The following AFF1 variants were observed in gnomAD, a reference collection of about 807,000 sequenced individuals.
The protein encoded by AFF1 is ALF transcription elongation factor 1, also known as AF4/FMR2 family member 1.
Under a neutral mutation model 121.7 loss-of-function variants are expected in AFF1, and 48 were observed. The observed-to-expected ratio is 0.39, with a 90% confidence interval of 0.31 to 0.50. AFF1 has a LOEUF of 0.50. AFF1 is among the 20% of genes least tolerant of loss of function. The pLI is 0.76. For missense variants in AFF1, 1,523 were observed against 1,511.7 expected (o/e 1.01, Z -0.12); for synonymous variants, 613 against 563.0 (o/e 1.09, Z -1.26).
chr4:87,084,374 A>G (rs540097839), intron 5 of AFF1, among the ~76,000 whole-genome samples: 111 of 152,064 alleles, frequency 7.3e-4, no homozygotes, highest in African/African-American at 2.6e-3. Flanking sequence ...CCCCGTATCT[A>G]CTAAGAAAAA....
intron 4 of AFF1, among the ~76,000 whole-genome samples, chr4:87,073,278 G>C (rs903591767): frequency 7.1e-5 from 3 of 42,338 alleles, no homozygotes; most frequent in East Asian, 5.3e-4. Flanking sequence ...CAGCATTAAA[G>C]CCAAAAAAAA....
chr4:87,077,613 A>G (rs1166247266), intron 4 of AFF1, among the ~76,000 whole-genome samples: 1 of 151,674 alleles, frequency 6.6e-6, no homozygotes, highest in Non-Finnish European at 1.5e-5. Flanking sequence ...TCTGGAAGTA[A>G]TTGATGTTAG....
intron 2 of AFF1, among the ~76,000 whole-genome samples, chr4:87,035,212 C>T (rs1729438047): frequency 6.6e-6 from 1 of 152,064 alleles, no homozygotes; most frequent in Non-Finnish European, 1.5e-5. Flanking sequence ...AGGCAGAACG[C>T]AGGAAGGGTG....
At chr4:86,957,408 A>G (rs1223917083) in intron 2 of AFF1, among the ~76,000 whole-genome samples, 3 of 152,208 alleles carry the variant, frequency 2.0e-5, no homozygotes, top group Admixed American at 2.0e-4. Context: ...CATGTTTTCT[A>G]TGCTCTGTAA....
At chr4:87,049,555 C>A in intron 4 of AFF1, 1 of 423,036 alleles carries the variant, frequency 2.4e-6, no homozygotes, top group Non-Finnish European at 4.8e-6. Context: ...ATCCTCCATA[C>A]ATTTGGTCAT....
chr4:87,059,640 C>T (rs17012335), intron 4 of AFF1, among the ~76,000 whole-genome samples: 1,727 of 152,278 alleles, frequency 0.011, 35 homozygotes, highest in African/African-American at 0.039. Context: ...ACCTTCAGGA[C>T]AGAAAGCCAG....
chr4:87,054,851 A>T (rs562745249), intron 4 of AFF1, among the ~76,000 whole-genome samples: 174 of 152,342 alleles, frequency 1.1e-3, no homozygotes, highest in Non-Finnish European at 9.7e-4. Flanking sequence ...GGGCCTGCAG[A>T]CAAATTATTT....
chr4:87,125,041 A>G lies in AFF1; in HGVS notation c.2471A>G (p.Glu824Gly). ...SSKLAKKRKG[E>G]AERDCDNKKI... is the part of the protein sequence containing the mutation. ...TTGCTGATTATACTGTAATAGGGTGAAGCAGAAAGAGACTGTGATAACAAG... is the reference window on the plus strand; with the variant it reads ...TTGCTGATTATACTGTAATAGGGTGGAGCAGAAAGAGACTGTGATAACAAG... The change falls in exon 13 of 21, where the codon GAA (glutamate) becomes GGA (glycine). Residue 824 changes from glutamate to glycine, a missense_variant. By Grantham distance (98) the Glu-to-Gly change is moderately conservative (BLOSUM62 -2). This residue lies in a region of AFF1 where 905 missense variants were observed against 842.5 expected (regional missense o/e 1.07). Transcript: ENST00000395146. 6.2e-7 allele frequency: 1 copy of G among 1,600,834 alleles called. No individual in the cohort carries two copies. Among genetic ancestry groups the G allele is most frequent in the Non-Finnish European group, 8.5e-7 (1 of 1,173,110 alleles).
intron 4 of AFF1, among the ~76,000 whole-genome samples, chr4:87,081,152 A>ATTTTTTTTTTTTTTTT (rs549510832): frequency 6.7e-5 from 6 of 89,718 alleles, no homozygotes; most frequent in African/African-American, 2.2e-4. Context: ...AATGAAATGA[A>ATTTTTTTTTTTTTTTT]TTTTTTTTTT....
intron 2 of AFF1, among the ~76,000 whole-genome samples, chr4:86,951,251 C>A (rs1245267609): frequency 6.6e-6 from 1 of 152,042 alleles, no homozygotes; most frequent in South Asian, 2.1e-4. Flanking sequence ...CCATCAAATG[C>A]TTTTCAGGTG....
At chr4:87,043,211 T>C (rs6839933) in intron 2 of AFF1, among the ~76,000 whole-genome samples, 1 of 151,952 alleles carries the variant, frequency 6.6e-6, no homozygotes, top group Non-Finnish European at 1.5e-5. Context: ...CTCTGCTGTT[T>C]TAAGTGGCAT....
In AFF1 at chr4:87,033,647, A is replaced by G. The variant is rs185478121; in HGVS notation, c.39-12519A>G. 1.8e-4 allele frequency among the ~76,000 whole-genome samples: 27 copies of G among 152,256 alleles called. 1 individual carries two copies. The East Asian group carries it at 4.4e-3, about 25-fold the overall frequency. ...TTGCTCCTGAATAATTTGAGAGAAG[A>G]GGTGCCTTTTAAAATCACCTTGGGG... On this transcript the variant is annotated intron_variant, in intron 2 of 20. Transcript: ENST00000395146.
chr4:87,046,738 T>A lies in AFF1; in HGVS notation c.203T>A (p.Leu68Ter), dbSNP rs1470046315. Reference sequence around the variant, plus strand: ...CTGTCTAGTCGAATACAGAACATGTTGGGAAACTACGAAGAAGTGAAGGAG... The same window carrying A: ...CTGTCTAGTCGAATACAGAACATGTAGGGAAACTACGAAGAAGTGAAGGAG... ...DELSSRIQNM[L>*]GNYEEVKEFL... The change falls in exon 4 of 21, where the codon TTG (leucine) becomes TAG (stop). Residue 68 changes from leucine to a stop codon, truncating the protein, a stop_gained. Coordinates refer to ENST00000395146, the MANE Select transcript of AFF1 (RefSeq NM_001166693.3). LOFTEE classifies it high-confidence loss of function. 3 of 1,614,072 alleles carry A rather than the reference T, an allele frequency of 1.9e-6. No individual in the cohort carries two copies.
intron 4 of AFF1, among the ~76,000 whole-genome samples, chr4:87,065,314 C>G (rs917927664): frequency 4.6e-5 from 7 of 152,100 alleles, no homozygotes; most frequent in African/African-American, 1.7e-4. Context: ...CTCACTGTTA[C>G]AAGAACAGCA....
chr4:86,950,546 A>G (rs963277075), intron 2 of AFF1, among the ~76,000 whole-genome samples: 4 of 152,242 alleles, frequency 2.6e-5, no homozygotes, highest in African/African-American at 9.6e-5. Context: ...TAAAAACATT[A>G]TAAGAAATGT....
At chr4:87,071,052 G>T (rs970588833) in intron 4 of AFF1, among the ~76,000 whole-genome samples, 1 of 152,142 alleles carries the variant, frequency 6.6e-6, no homozygotes, top group Non-Finnish European at 1.5e-5. Context: ...TTGAATGTAG[G>T]CTAGTTATAC....
chr4:87,090,067 A>T lies in AFF1; in HGVS notation c.1188A>T (p.Thr396=). 1 of 1,613,026 alleles carries T rather than the reference A, an allele frequency of 6.2e-7. No individual in the cohort carries two copies. The highest frequency in any genetic ancestry group is 8.5e-7 in the Non-Finnish European group (1 of 1,179,058). Residue 396 remains threonine, a synonymous_variant, in exon 6 of 21, where the codon ACA becomes ACT. Coordinates refer to ENST00000395146, the MANE Select transcript of AFF1 (RefSeq NM_001166693.3). ...AGCCATCCAAGTTTCCTTTCCCTAC[A>T]AAGGTAATTCCTTAAAAGTATGGCA... ...TAEPSKFPFP[T]KDSQHVSSVT...
chr4:86,974,736 ATACATAAAGAGCTG>A (rs1389899196), intron 2 of AFF1, among the ~76,000 whole-genome samples: 1 of 152,246 alleles, frequency 6.6e-6, no homozygotes, highest in Non-Finnish European at 1.5e-5. Flanking sequence ...AAAACATTTC[ATACATAAAGAGCTG>A]TACACGGTGT....
chr4:87,103,352 T>C (rs945638832), intron 8 of AFF1, among the ~76,000 whole-genome samples: 2 of 152,246 alleles, frequency 1.3e-5, no homozygotes, highest in African/African-American at 2.4e-5. Flanking sequence ...GTGAGATATG[T>C]TTATTCTTTA....
Sources: allele counts gnomAD v4.1 joint callset (sites outside exome capture counted in the v4.1 genomes callset), GRCh38; gene constraint gnomAD v4.1.1; regional missense constraint gnomAD v4.1.1; transcripts MANE v1.5; gene names NCBI Gene and HGNC (gene_info 2026-07-23, HGNC 2026-07-21).